Variants in VWC2L observed in about 807,000 individuals in gnomAD.
VWC2L encodes the protein von Willebrand factor C domain containing 2 like.
VWC2L carries 10 observed loss-of-function variants against 21.6 expected under a neutral mutation model. The observed-to-expected ratio is 0.46, with a 90% CI of 0.29 to 0.78. VWC2L has a LOEUF of 0.78. VWC2L is among the 30% of genes least tolerant of loss of function. The probability of loss-of-function intolerance (pLI) is 0.10; values close to 1 mark genes in which losing one functional copy is unlikely to be tolerated. For missense variants in VWC2L, 209 were observed against 277.1 expected (o/e 0.75, Z 1.74); for synonymous variants, 96 against 94.3 (o/e 1.02, Z -0.10).
At chr2:214,450,203 C>T (rs904092701) in intron 3 of VWC2L, among the ~76,000 whole-genome samples, 2 of 152,118 alleles carry the variant, frequency 1.3e-5, no homozygotes, top group African/African-American at 4.8e-5. Context: ...GAGGAAAGCA[C>T]GTGAGCCTTT....
At chr2:214,434,024 A>C (rs530721198) in intron 2 of VWC2L, among the ~76,000 whole-genome samples, 1 of 152,334 alleles carries the variant, frequency 6.6e-6, no homozygotes, top group East Asian at 1.9e-4. Context: ...GCATATGATA[A>C]GAGATTCTGA....
chr2:214,465,180 C>CA (rs975105981), intron 3 of VWC2L, among the ~76,000 whole-genome samples: 15 of 152,308 alleles, frequency 9.8e-5, no homozygotes, highest in African/African-American at 3.6e-4. Flanking sequence ...ACTCTTCCCT[C>CA]TCCTTTCCTC....
At chr2:214,567,793 A>G (rs1690091728) in intron 3 of VWC2L, among the ~76,000 whole-genome samples, 1 of 152,172 alleles carries the variant, frequency 6.6e-6, no homozygotes, top group Non-Finnish European at 1.5e-5. Flanking sequence ...TGTGACTCTG[A>G]GAAAGCCACT....
chr2:214,505,535 C>A (rs1416457938), intron 3 of VWC2L, among the ~76,000 whole-genome samples: 1 of 151,790 alleles, frequency 6.6e-6, no homozygotes, highest in Non-Finnish European at 1.5e-5. Context: ...CAGGTCCTTG[C>A]ACAGTATTTA....
In VWC2L at chr2:214,575,922, C is replaced by A; in HGVS notation, c.*102C>A. On this transcript the variant is annotated 3_prime_UTR_variant, in exon 4 of 4. Transcript: ENST00000312504. The stretch of plus-strand genomic sequence containing the variant: ...AAAACAAACAAACTCCTGCCAGCTA[C>A]AACAGGGTCACCAGCAAAACTTTCT... The A allele has an allele frequency of 1.5e-6, 2 of 1,365,368 alleles. No homozygotes were observed. Among genetic ancestry groups the A allele is most frequent in the Non-Finnish European group, 9.9e-7 (1 of 1,011,158 alleles). The allele number at this position is 1,365,368 out of a possible 1,614,324, so 84.6% of individuals were successfully genotyped here.
intron 3 of VWC2L, among the ~76,000 whole-genome samples, chr2:214,561,183 T>C (rs1041463331): frequency 2.0e-5 from 3 of 152,202 alleles, no homozygotes; most frequent in African/African-American, 7.2e-5. Context: ...AGGTGTTTGA[T>C]GGGGCTGAAG....
At chr2:214,562,261 G>A (rs534906068) in intron 3 of VWC2L, among the ~76,000 whole-genome samples, 21 of 152,092 alleles carry the variant, frequency 1.4e-4, no homozygotes, top group East Asian at 3.9e-4. Flanking sequence ...TTCTGTTCCC[G>A]TGTTAGTTTG....
intron 3 of VWC2L, among the ~76,000 whole-genome samples, chr2:214,526,015 G>C (rs762532040): frequency 9.2e-5 from 14 of 151,642 alleles, no homozygotes; most frequent in Admixed American, 2.0e-4. Flanking sequence ...CAGCATATAA[G>C]TACCCAATAA....
chr2:214,455,311 A>G (rs1647516531), intron 3 of VWC2L, among the ~76,000 whole-genome samples: 1 of 152,154 alleles, frequency 6.6e-6, no homozygotes. Flanking sequence ...GAATTATACC[A>G]TTTTATCTAA....
chr2:214,501,366 T>G (rs750184602), intron 3 of VWC2L, among the ~76,000 whole-genome samples: 1 of 152,094 alleles, frequency 6.6e-6, no homozygotes, highest in Non-Finnish European at 1.5e-5. Context: ...CCACAGGGAA[T>G]CATGCCTCCC....
rs1690242071 is a variant in VWC2L, at chr2:214,577,121, C to T, written c.*1301C>T. On this transcript the variant is annotated 3_prime_UTR_variant, in exon 4 of 4. Coordinates refer to ENST00000312504, the MANE Select transcript of VWC2L (RefSeq NM_001080500.4). ...AGTGCAAAATTAACAATTCTGAAACCACATGGCATAGTTAGTCGCTTATTC... is the reference window on the plus strand; with the variant it reads ...AGTGCAAAATTAACAATTCTGAAACTACATGGCATAGTTAGTCGCTTATTC... The T allele has an allele frequency of 6.6e-6, 1 of 152,094 alleles. No homozygotes were observed. The highest frequency in any genetic ancestry group is 2.4e-5 in the African/African-American group (1 of 41,412). 9.4% of individuals were successfully genotyped at this position (152,094 alleles called of 1,614,324 possible).
chr2:214,449,523 G>A (rs1326505825), intron 3 of VWC2L, among the ~76,000 whole-genome samples: 1 of 152,136 alleles, frequency 6.6e-6, no homozygotes, highest in African/African-American at 2.4e-5. Context: ...CAGAAATATG[G>A]CATAAAACGC....
At chr2:214,465,368 G>C (rs1045074570) in intron 3 of VWC2L, among the ~76,000 whole-genome samples, 5 of 152,140 alleles carry the variant, frequency 3.3e-5, no homozygotes, top group Non-Finnish European at 7.3e-5. Context: ...TGCCAGGACT[G>C]GGTCCTTCCC....
At chr2:214,544,814 C>T (rs1392530679) in intron 3 of VWC2L, among the ~76,000 whole-genome samples, 5 of 152,048 alleles carry the variant, frequency 3.3e-5, no homozygotes, top group East Asian at 1.9e-4. Context: ...ACCAACCCTA[C>T]GAGGTAGATG....
chr2:214,480,548 A>T (rs756199113), intron 3 of VWC2L, among the ~76,000 whole-genome samples: 17 of 152,196 alleles, frequency 1.1e-4, no homozygotes, highest in Non-Finnish European at 2.4e-4. Context: ...ACATTCAAGA[A>T]ATCTAGAATA....
At chr2:214,485,331 A>C (rs1688660803) in intron 3 of VWC2L, among the ~76,000 whole-genome samples, 3 of 152,102 alleles carry the variant, frequency 2.0e-5, no homozygotes, top group African/African-American at 7.2e-5. Context: ...AAAAGTGTGT[A>C]TCTTAACTAC....
At chr2:214,526,599 T>C (rs1344076099) in intron 3 of VWC2L, among the ~76,000 whole-genome samples, 1 of 152,222 alleles carries the variant, frequency 6.6e-6, no homozygotes, top group Non-Finnish European at 1.5e-5. Context: ...TATCGTAAGC[T>C]TCTCTAGAAG....
intron 3 of VWC2L, among the ~76,000 whole-genome samples, chr2:214,537,308 T>C (rs1689550138): frequency 6.6e-6 from 1 of 152,058 alleles, no homozygotes; most frequent in Non-Finnish European, 1.5e-5. Flanking sequence ...CATTCATCCA[T>C]TGATGGACAC....
At chr2:214,416,221 T>C (rs1178925740) in intron 2 of VWC2L, among the ~76,000 whole-genome samples, 1 of 152,090 alleles carries the variant, frequency 6.6e-6, no homozygotes, top group Non-Finnish European at 1.5e-5. Flanking sequence ...CTTAACTCAC[T>C]ATTGAAAATG....
Sources: gnomAD v4.1 joint callset for allele counts (sites outside exome capture counted in the v4.1 genomes callset) on GRCh38, gnomAD v4.1.1 for gene constraint, MANE v1.5 for transcripts, NCBI Gene and HGNC (gene_info 2026-07-23, HGNC 2026-07-21) for gene names.